ZNF469: variants seen among roughly 807,000 people sequenced by gnomAD.
ZNF469 encodes the protein zinc finger protein 469.
Under a neutral mutation model 1.0 loss-of-function variants are expected in ZNF469, and 1 was observed. That is an observed-to-expected ratio of 1.00 (90% CI 0.35 to 4.73). The LOEUF is 4.73. ZNF469 is among the 30% of genes most tolerant of loss of function. The pLI, the probability that ZNF469 is intolerant of heterozygous loss-of-function variation, is 0.16. For missense variants in ZNF469, 6,100 were observed against 5,356.3 expected, an observed-to-expected ratio of 1.14 and a Z score of -4.33; for synonymous variants, 2,703 against 2,363.4, an observed-to-expected ratio of 1.14 and a Z score of -4.17.
the ZNF469 span, among the ~76,000 whole-genome samples, chr16:88,281,974 TATC>T: frequency 4.6e-5 from 7 of 152,250 alleles, no homozygotes; most frequent in Admixed American, 6.5e-5. Flanking sequence ...CACGAGTTCA[TATC>T]ATGCTGATGC....
chr16:88,242,871 C>T, the ZNF469 span, among the ~76,000 whole-genome samples: 1 of 152,242 alleles, frequency 6.6e-6, no homozygotes, highest in Non-Finnish European at 1.5e-5. Flanking sequence ...TTCACCCCTG[C>T]CTGCCAGGGC....
chr16:88,147,151 G>A, the ZNF469 span, among the ~76,000 whole-genome samples: 1 of 152,084 alleles, frequency 6.6e-6, no homozygotes, highest in African/African-American at 2.4e-5. Flanking sequence ...AAGGCAGAAG[G>A]ACGAGGCCAC....
the ZNF469 span, among the ~76,000 whole-genome samples, chr16:88,211,492 A>G: frequency 6.6e-6 from 1 of 151,972 alleles, no homozygotes; most frequent in Non-Finnish European, 1.5e-5. Flanking sequence ...GTGATCTTTT[A>G]TTGTATTCCG....
chr16:88,167,301 A>T, the ZNF469 span, among the ~76,000 whole-genome samples: 1 of 151,890 alleles, frequency 6.6e-6, no homozygotes, highest in African/African-American at 2.4e-5. Context: ...ACTTCAGGTG[A>T]TCCGCCCGCC....
chr16:88,215,975 C>A, the ZNF469 span, among the ~76,000 whole-genome samples: 21 of 152,162 alleles, frequency 1.4e-4, no homozygotes, highest in Admixed American at 2.6e-4. Context: ...GATTTACTTT[C>A]TCTTTGCTTT....
chr16:88,438,975 G>T lies in ZNF469; in HGVS notation c.11505G>T (p.Gly3835=). Residue 3835 remains glycine (G), a synonymous_variant, in exon 3 of 3, where the codon GGG becomes GGT. Transcript: ENST00000565624. ...PARSESVGSF[G]RAPSAPDKPP... ...GGAGTGAAAGTGTGGGGAGCTTCGG[G>T]AGAGCCCCCTCAGCCCCTGACAAGC... is the stretch of plus-strand genomic sequence containing the variant. 6.4e-7 allele frequency: 1 copy of T among 1,550,462 alleles called. No individual in the cohort carries two copies. Among genetic ancestry groups the T allele is most frequent in the Non-Finnish European group, 8.7e-7 (1 of 1,146,976 alleles).
the ZNF469 span, among the ~76,000 whole-genome samples, chr16:88,243,362 A>G: frequency 9.9e-5 from 15 of 152,196 alleles, no homozygotes; most frequent in South Asian, 4.1e-4. Flanking sequence ...CCCTGTCTAC[A>G]AGAGGGTTCT....
chr16:88,387,828 G>A (rs950106313), intron 1 of ZNF469, among the ~76,000 whole-genome samples: 1 of 152,130 alleles, frequency 6.6e-6, no homozygotes, highest in Non-Finnish European at 1.5e-5. Flanking sequence ...GAAGCAAGAG[G>A]AGCTCTGCCC....
the ZNF469 span, among the ~76,000 whole-genome samples, chr16:88,105,925 C>A: frequency 2.0e-5 from 3 of 152,250 alleles, no homozygotes; most frequent in Non-Finnish European, 4.4e-5. Context: ...GACAGCAGGG[C>A]CTGGCTGGCC....
chr16:88,430,695 G>A lies in ZNF469; in HGVS notation c.3225G>A (p.Leu1075=), dbSNP rs1437418358. The change falls in exon 3 of 3, where the codon CTG becomes CTA. Residue 1075 remains leucine (L), a synonymous_variant. Transcript: ENST00000565624. ...LGRRAGRCGS[L]AAGRPRPGAE... ...GGCGGGCGGGCAGGTGCGGCTCCCTGGCGGCGGGGAGGCCCCGGCCCGGAG... is the reference window on the plus strand; with the variant it reads ...GGCGGGCGGGCAGGTGCGGCTCCCTAGCGGCGGGGAGGCCCCGGCCCGGAG... 6.7e-7 allele frequency: 1 copy of A among 1,485,016 alleles called. No individual in the cohort carries two copies. The allele number at this position is 1,485,016 out of a possible 1,614,324, so 92.0% of individuals were successfully genotyped here. A position where few individuals can be genotyped will look rare whatever the true frequency, so the allele number is the denominator to read the frequency against.
At chr16:88,385,929 GC>G (rs1388985390) in intron 1 of ZNF469, among the ~76,000 whole-genome samples, 1 of 152,194 alleles carries the variant, frequency 6.6e-6, no homozygotes, top group Non-Finnish European at 1.5e-5. Flanking sequence ...TGTGGTTGCA[GC>G]CCATGGGTTT....
chr16:88,166,771 A>AC, the ZNF469 span, among the ~76,000 whole-genome samples: 1 of 105,014 alleles, frequency 9.5e-6, no homozygotes, highest in Non-Finnish European at 2.0e-5. The surrounding 1 kb of genome is among the most constrained non-coding windows in gnomAD (Gnocchi z 4.5). Flanking sequence ...TCAGAATCAT[A>AC]AACACACACA....
chr16:88,183,548 G>A, the ZNF469 span, among the ~76,000 whole-genome samples: 1 of 152,194 alleles, frequency 6.6e-6, no homozygotes, highest in Non-Finnish European at 1.5e-5. Flanking sequence ...TCCTGTGGGA[G>A]TCACTCACAG....
At chr16:88,391,112 G>A (rs975756149) in intron 1 of ZNF469, among the ~76,000 whole-genome samples, 3 of 152,244 alleles carry the variant, frequency 2.0e-5, no homozygotes, top group Admixed American at 6.5e-5. Flanking sequence ...GAATCCCACT[G>A]TGCCAGCTGC....
At chr16:88,141,380 C>G in the ZNF469 span, among the ~76,000 whole-genome samples, 1 of 151,886 alleles carries the variant, frequency 6.6e-6, no homozygotes, top group African/African-American at 2.4e-5. Context: ...GTACCCCCGT[C>G]CTGGTCCCCG....
At chr16:88,269,249 T>C in the ZNF469 span, among the ~76,000 whole-genome samples, 1 of 151,148 alleles carries the variant, frequency 6.6e-6, no homozygotes, top group Non-Finnish European at 1.5e-5. Flanking sequence ...CGCCTTAGCT[T>C]CTTTCCCTGC....
intron 1 of ZNF469, among the ~76,000 whole-genome samples, chr16:88,419,519 C>T (rs1272196215): frequency 6.6e-6 from 1 of 152,188 alleles, no homozygotes; most frequent in African/African-American, 2.4e-5. Context: ...CCCCATGGCA[C>T]ATATTTCTTG....
At chr16:88,235,511 A>G in the ZNF469 span, among the ~76,000 whole-genome samples, 1 of 152,194 alleles carries the variant, frequency 6.6e-6, no homozygotes, top group Non-Finnish European at 1.5e-5. Context: ...GCAAACCTGG[A>G]TTTGAAACCA....
At position 88,427,508 on chromosome 16, in the gene ZNF469, C is replaced by G; in HGVS notation, c.38C>G (p.Thr13Ser). ...CGCCCCCGAGGAGCGCCGCCCCCCA[C>G]CATGACTGGAGACCTGCAGCCCCGC... ...GERPRGAPPP[T>S]MTGDLQPRQV... is the part of the protein sequence containing the mutation. Residue 13 changes from threonine (T) to serine (S), a missense_variant, in exon 3 of 3, where the codon ACC becomes AGC. By Grantham distance (58) the Thr-to-Ser change is moderately conservative (BLOSUM62 1). Coordinates refer to ENST00000565624, the MANE Select transcript of ZNF469 (RefSeq NM_001367624.2). 1.3e-6 allele frequency: 2 copies of G among 1,531,826 alleles called. No individual in the cohort carries two copies. Among genetic ancestry groups the G allele is most frequent in the Non-Finnish European group, 1.7e-6 (2 of 1,143,176 alleles). 94.9% of individuals were successfully genotyped at this position (1,531,826 alleles called of 1,614,324 possible). A position where few individuals can be genotyped will look rare whatever the true frequency, so the allele number is the denominator to read the frequency against.
Sources: allele counts gnomAD v4.1 joint callset (sites outside exome capture counted in the v4.1 genomes callset), GRCh38; gene constraint gnomAD v4.1.1; non-coding constraint Gnocchi (gnomAD v3.1); transcripts MANE v1.5; gene names NCBI Gene and HGNC (gene_info 2026-07-23, HGNC 2026-07-21).